The following COL19A1 variants were observed in gnomAD, a reference collection of about 807,000 sequenced individuals.
COL19A1 encodes the protein collagen alpha-1(XIX) chain.
A neutral mutation model predicts 190.2 loss-of-function variants in COL19A1; 159 were observed. That is an observed-to-expected ratio of 0.84 (90% CI 0.73 to 0.95). The LOEUF (loss-of-function observed/expected upper bound fraction) is 0.95, where lower values mean the gene tolerates loss of function less well. Among genes scored for constraint, COL19A1 ranks in the 40% least tolerant of loss-of-function variants. The probability of loss-of-function intolerance (pLI) is 0.00; values close to 1 mark genes in which losing one functional copy is unlikely to be tolerated. For synonymous variants in COL19A1, 509 were observed against 458.9 expected, an observed-to-expected ratio of 1.11 and a Z score of -1.39; for missense variants, 1,418 against 1,431.9, an observed-to-expected ratio of 0.99 and a Z score of 0.16.
At chr6:70,164,161 G>GA (rs1787987328) in intron 36 of COL19A1, among the ~76,000 whole-genome samples, 1 of 152,186 alleles carries the variant, frequency 6.6e-6, no homozygotes, top group Non-Finnish European at 1.5e-5. Flanking sequence ...AGGATAGCTT[G>GA]TTTCCTGGGG....
At position 70,130,162 on chromosome 6, in the gene COL19A1, A is replaced by G; in HGVS notation, c.1342-20A>G. ...TTAGCGGATTTTTCTTTTGTATTTT[A>G]AATTGTTTTTCACCCCTAGGGAAAT... On this transcript the variant is annotated intron_variant, in intron 17 of 50. Transcript: ENST00000620364. The G allele has an allele frequency of 6.2e-7, 1 of 1,610,566 alleles. No homozygotes were observed. Among genetic ancestry groups the G allele is most frequent in the Admixed American group, 1.7e-5 (1 of 59,260 alleles).
chr6:69,902,491 A>C (rs924968314), intron 4 of COL19A1, among the ~76,000 whole-genome samples: 8 of 152,200 alleles, frequency 5.3e-5, no homozygotes, highest in African/African-American at 1.7e-4. Flanking sequence ...GGGGCCTTCC[A>C]GATAGACATC....
Position 69,879,572 on chromosome 6 carries a change from G to A in COL19A1, c.5G>A (p.Arg2Lys). Residue 2 changes from arginine to lysine, a missense_variant, in exon 2 of 51, where the codon AGA becomes AAA. By Grantham distance (26) the Arg-to-Lys change is conservative (BLOSUM62 2). Coordinates refer to ENST00000620364, the MANE Select transcript of COL19A1 (RefSeq NM_001858.6). ...TTCACATGGTTTCAAGGCACAATGAGACTCACTGGCCCTTGGAAACTTTGG... is the reference window on the plus strand; with the variant it reads ...TTCACATGGTTTCAAGGCACAATGAAACTCACTGGCCCTTGGAAACTTTGG... M[R>K]LTGPWKLWLW... The A allele has an allele frequency of 6.2e-7, 1 of 1,613,890 alleles. No homozygotes were observed. Among genetic ancestry groups the A allele is most frequent in the African/African-American group, 1.3e-5 (1 of 74,966 alleles).
intron 42 of COL19A1, among the ~76,000 whole-genome samples, chr6:70,179,826 G>A (rs977462645): frequency 1.1e-4 from 16 of 152,244 alleles, no homozygotes; most frequent in Non-Finnish European, 1.8e-4. Flanking sequence ...CTTATGGCCT[G>A]CGGAGTTGAC....
Position 69,928,020 on chromosome 6 carries a change from G to C in COL19A1, c.378G>C (p.Gln126His). 1 of 1,613,034 alleles carries C rather than the reference G, an allele frequency of 6.2e-7. No individual in the cohort carries two copies. The highest frequency in any genetic ancestry group is 8.5e-7 in the Non-Finnish European group (1 of 1,179,392). ...RWFLWQVLNQQNIPQISIVVD... is the reference protein window; with the variant it reads ...RWFLWQVLNQHNIPQISIVVD... ...TTCTGTGGCAGGTTTTAAACCAGCA[G>C]AATATTCCACAGGTAAAGTACCATT... Residue 126 changes from glutamine to histidine, a missense_variant, in exon 5 of 51, where the codon CAG becomes CAC. Physicochemically the swap from Gln to His is conservative, Grantham distance 24. Transcript: ENST00000620364.
chr6:70,049,131 A>T (rs1780060961), intron 14 of COL19A1, among the ~76,000 whole-genome samples: 1 of 151,942 alleles, frequency 6.6e-6, no homozygotes, highest in Non-Finnish European at 1.5e-5. Context: ...AGTTATTTAG[A>T]CACTTTATGA....
At chr6:70,006,038 AG>A (rs1202722411) in intron 11 of COL19A1, among the ~76,000 whole-genome samples, 3 of 152,122 alleles carry the variant, frequency 2.0e-5, no homozygotes, top group Non-Finnish European at 4.4e-5. Context: ...GCCCTTGAAA[AG>A]GGCTTTTTCA....
At chr6:70,002,235 C>T (rs542277559) in intron 11 of COL19A1, among the ~76,000 whole-genome samples, 70 of 152,138 alleles carry the variant, frequency 4.6e-4, no homozygotes, top group African/African-American at 1.6e-3. Flanking sequence ...ATGGTGGATA[C>T]GTTTTTTGAT....
chr6:70,088,849 T>A (rs1189950301), intron 15 of COL19A1, among the ~76,000 whole-genome samples: 1 of 152,214 alleles, frequency 6.6e-6, no homozygotes, highest in Non-Finnish European at 1.5e-5. Context: ...TCTTTATTTT[T>A]CCCATTCATT....
At chr6:70,200,314 T>C (rs1175796329) in intron 49 of COL19A1, among the ~76,000 whole-genome samples, 1 of 152,244 alleles carries the variant, frequency 6.6e-6, no homozygotes, top group Non-Finnish European at 1.5e-5. Flanking sequence ...AGAATTTTGT[T>C]CCACTTATGA....
chr6:70,063,434 G>A (rs560367845), intron 14 of COL19A1, among the ~76,000 whole-genome samples: 24 of 152,168 alleles, frequency 1.6e-4, no homozygotes, highest in Non-Finnish European at 2.5e-4. Context: ...TGAAACCAAC[G>A]AGAACAAAGA....
chr6:69,891,512 A>T (rs1769348907), intron 2 of COL19A1, among the ~76,000 whole-genome samples: 1 of 152,170 alleles, frequency 6.6e-6, no homozygotes, highest in Admixed American at 6.5e-5. Flanking sequence ...GGGAGCAGGC[A>T]TGCCTGGTTT....
chr6:70,117,703 T>C (rs184322402), intron 16 of COL19A1, among the ~76,000 whole-genome samples: 3 of 152,314 alleles, frequency 2.0e-5, no homozygotes, highest in African/African-American at 7.2e-5. Context: ...TTAGCATATT[T>C]TAGCTGCTCT....
intron 14 of COL19A1, among the ~76,000 whole-genome samples, chr6:70,036,442 G>A (rs1352110335): frequency 6.6e-6 from 1 of 152,126 alleles, no homozygotes; most frequent in African/African-American, 2.4e-5. Context: ...TGATAAAATT[G>A]CAATATTTTA....
intron 2 of COL19A1, among the ~76,000 whole-genome samples, chr6:69,884,549 A>G (rs1413507110): frequency 2.0e-5 from 3 of 152,200 alleles, no homozygotes; most frequent in African/African-American, 7.2e-5. Context: ...CTTCTACTAA[A>G]GAATGAAGAT....
At chr6:70,048,528 T>C (rs1780025957) in intron 14 of COL19A1, among the ~76,000 whole-genome samples, 1 of 152,062 alleles carries the variant, frequency 6.6e-6, no homozygotes, top group South Asian at 2.1e-4. Flanking sequence ...AGCAACCAAT[T>C]GGTTAAAGTT....
intron 9 of COL19A1, among the ~76,000 whole-genome samples, chr6:69,940,131 C>T (rs1213025258): frequency 2.0e-5 from 3 of 151,766 alleles, no homozygotes; most frequent in Non-Finnish European, 4.4e-5. Context: ...TTTTAAAAAT[C>T]GTTAAATCTA....
At chr6:70,060,165 C>A (rs1045691442) in intron 14 of COL19A1, among the ~76,000 whole-genome samples, 13 of 152,118 alleles carry the variant, frequency 8.5e-5, no homozygotes, top group Non-Finnish European at 1.8e-4. Context: ...CTGAGGAAGA[C>A]AGACAAGATT....
intron 12 of COL19A1, among the ~76,000 whole-genome samples, chr6:70,030,076 C>CA (rs1467592531): frequency 6.6e-6 from 1 of 152,144 alleles, no homozygotes; most frequent in Non-Finnish European, 1.5e-5. Flanking sequence ...TTGGACACCC[C>CA]AGTAGAATTA....
Sources: gnomAD v4.1 joint callset for allele counts (sites outside exome capture counted in the v4.1 genomes callset) on GRCh38, gnomAD v4.1.1 for gene constraint, MANE v1.5 for transcripts, NCBI Gene and HGNC (gene_info 2026-07-23, HGNC 2026-07-21) for gene names.